The following MRPS27 variants were observed in gnomAD, a reference collection of about 807,000 sequenced individuals.
MRPS27 encodes the protein small ribosomal subunit protein mS27.
A neutral mutation model predicts 48.9 loss-of-function variants in MRPS27; 43 were observed. That is an observed-to-expected ratio of 0.88 (90% confidence interval 0.69 to 1.13). The LOEUF (loss-of-function observed/expected upper bound fraction) is 1.13. Among genes scored for constraint, MRPS27 ranks in the 50% most tolerant of loss-of-function variants. The pLI is 0.00. For missense variants in MRPS27, 467 were observed against 476.3 expected (o/e 0.98, Z 0.18); for synonymous variants, 188 against 171.9 (o/e 1.09, Z -0.73).
chr5:72,316,667 C>T (rs962661917), intron 1 of MRPS27, among the ~76,000 whole-genome samples: 6 of 151,762 alleles, frequency 4.0e-5, no homozygotes, highest in South Asian at 4.2e-4. Flanking sequence ...CATGCCTGGC[C>T]TGAATTGTGT....
intron 4 of MRPS27, among the ~76,000 whole-genome samples, chr5:72,255,553 T>C (rs1161764593): frequency 6.6e-6 from 1 of 152,234 alleles, no homozygotes; most frequent in Non-Finnish European, 1.5e-5. Context: ...TGACAACATA[T>C]AGATGACATA....
Position 72,221,041 on chromosome 5 carries a change from G to A in MRPS27, c.1113C>T (p.Asp371=). ...GCAGATTCTGCTCATAGGTGGCGATGTCCTCTGCTTCACAGGTGGAGAGTT... is the reference window on the plus strand; with the variant it reads ...GCAGATTCTGCTCATAGGTGGCGATATCCTCTGCTTCACAGGTGGAGAGTT... ...KEKLSTCEAE[D]IATYEQNLQQ... The change falls in exon 11 of 11, where the codon GAC becomes GAT. Residue 371 remains aspartate, a synonymous_variant. Transcript: ENST00000261413. 1 of 1,614,198 alleles carries A rather than the reference G, an allele frequency of 6.2e-7. No individual in the cohort carries two copies. The highest frequency in any genetic ancestry group is 8.5e-7 in the Non-Finnish European group (1 of 1,180,030).
chr5:72,267,125 G>GA (rs1749124830), intron 4 of MRPS27, among the ~76,000 whole-genome samples: 5 of 152,102 alleles, frequency 3.3e-5, no homozygotes, highest in Admixed American at 3.3e-4. Flanking sequence ...GAAAACTGAG[G>GA]TCAGCAATGC....
At chr5:72,241,021 A>G (rs1252650522) in intron 4 of MRPS27, among the ~76,000 whole-genome samples, 1 of 152,190 alleles carries the variant, frequency 6.6e-6, no homozygotes, top group Non-Finnish European at 1.5e-5. Flanking sequence ...AATTATGTCT[A>G]GGGCATTTTC....
chr5:72,262,839 T>C (rs111718316), intron 4 of MRPS27, among the ~76,000 whole-genome samples: 1,675 of 152,208 alleles, frequency 0.011, 31 homozygotes, highest in African/African-American at 0.038. Flanking sequence ...GGCAGGATCA[T>C]AGCTCACTGC....
At chr5:72,300,289 C>T (rs886290269) in intron 2 of MRPS27, among the ~76,000 whole-genome samples, 1 of 152,160 alleles carries the variant, frequency 6.6e-6, no homozygotes, top group African/African-American at 2.4e-5. Context: ...TTCTTGACTT[C>T]TAAACATTGG....
chr5:72,253,882 A>C (rs1748727395), intron 4 of MRPS27, among the ~76,000 whole-genome samples: 3 of 152,172 alleles, frequency 2.0e-5, no homozygotes, highest in African/African-American at 2.4e-5. Context: ...AAGCTTGGGA[A>C]ATTCTCTTGT....
chr5:72,257,729 G>A (rs1230402472), intron 4 of MRPS27, among the ~76,000 whole-genome samples: 1 of 150,516 alleles, frequency 6.6e-6, no homozygotes, highest in Non-Finnish European at 1.5e-5. Context: ...TCTCAGTTGA[G>A]ATGGGATTAT....
At chr5:72,252,754 T>C (rs1211637653) in intron 4 of MRPS27, among the ~76,000 whole-genome samples, 1 of 152,190 alleles carries the variant, frequency 6.6e-6, no homozygotes, top group South Asian at 2.1e-4. Context: ...GAGAGGAATG[T>C]AGAAATGAAA....
chr5:72,235,366 A>G (rs1025185553), intron 5 of MRPS27, among the ~76,000 whole-genome samples: 1 of 152,108 alleles, frequency 6.6e-6, no homozygotes, highest in Non-Finnish European at 1.5e-5. Flanking sequence ...AAACAAACAA[A>G]CAAGCAAACC....
intron 4 of MRPS27, among the ~76,000 whole-genome samples, chr5:72,257,634 T>C (rs1225754059): frequency 6.6e-6 from 1 of 152,232 alleles, no homozygotes; most frequent in African/African-American, 2.4e-5. Flanking sequence ...ACTCCAAATG[T>C]ACTAGTATTT....
At chr5:72,260,598 C>T (rs1426444958) in intron 4 of MRPS27, among the ~76,000 whole-genome samples, 1 of 152,092 alleles carries the variant, frequency 6.6e-6, no homozygotes, top group East Asian at 1.9e-4. Context: ...GTTCCTTATC[C>T]TACCAATTCT....
intron 4 of MRPS27, among the ~76,000 whole-genome samples, chr5:72,285,767 T>C (rs538472379): frequency 2.0e-5 from 3 of 152,332 alleles, no homozygotes; most frequent in African/African-American, 7.2e-5. Context: ...TCAAGGGATC[T>C]TTCCACCTCA....
At chr5:72,309,445 G>A (rs918477122) in intron 2 of MRPS27, among the ~76,000 whole-genome samples, 1 of 152,102 alleles carries the variant, frequency 6.6e-6, no homozygotes, top group Non-Finnish European at 1.5e-5. Flanking sequence ...TGTAATTTTA[G>A]TAGAGGCGGG....
intron 7 of MRPS27, 101 bp from the exon 8 acceptor site, chr5:72,228,469 T>A: frequency 1.3e-6 from 1 of 746,178 alleles, no homozygotes. Context: ...GTTATAGCAT[T>A]AAGTAAACAA....
intron 3 of MRPS27, among the ~76,000 whole-genome samples, chr5:72,297,169 T>G (rs1162271951): frequency 6.6e-6 from 1 of 152,202 alleles, no homozygotes; most frequent in Non-Finnish European, 1.5e-5. Flanking sequence ...TAGAAGGTGC[T>G]CAGTAATGGT....
chr5:72,241,806 G>A lies in MRPS27; in HGVS notation c.282-3678C>T. On this transcript the variant is annotated intron_variant, in intron 4 of 10. Transcript: ENST00000261413. ...CTGACCACCAGCCTGGCAGATTACA[G>A]CCAGCCACTGTAGGAGTCCCCTCTG... 5.3e-6 allele frequency: 5 copies of A among 936,504 alleles called. No individual in the cohort carries two copies. In the Admixed American group the frequency reaches 1.0e-4, roughly 19 times the overall value. 58.0% of individuals were successfully genotyped at this position (936,504 alleles called of 1,614,324 possible).
chr5:72,275,556 A>G lies in MRPS27; in HGVS notation c.281+19975T>C, dbSNP rs189016090. ...TTTAAAATTCATATGGAACCCAAAAAGAGCCCATATAGCCAAGACAATCCT... is the reference window on the plus strand; with the variant it reads ...TTTAAAATTCATATGGAACCCAAAAGGAGCCCATATAGCCAAGACAATCCT... On this transcript the variant is annotated intron_variant, in intron 4 of 10. Coordinates refer to ENST00000261413, the MANE Select transcript of MRPS27 (RefSeq NM_015084.3). 3.7e-3 allele frequency among the ~76,000 whole-genome samples: 568 copies of G among 152,372 alleles called. 1 individual carries two copies. Among genetic ancestry groups the G allele is most frequent in the African/African-American group, 0.013 (552 of 41,594 alleles).
chr5:72,259,295 C>T (rs1016811160), intron 4 of MRPS27, among the ~76,000 whole-genome samples: 1 of 151,936 alleles, frequency 6.6e-6, no homozygotes, highest in African/African-American at 2.4e-5. Flanking sequence ...ATGGTGAAAC[C>T]CTGTCTCTAC....
Sources: gnomAD v4.1 joint callset for allele counts (sites outside exome capture counted in the v4.1 genomes callset) on GRCh38, gnomAD v4.1.1 for gene constraint, MANE v1.5 for transcripts, NCBI Gene and HGNC (gene_info 2026-07-23, HGNC 2026-07-21) for gene names.